Variants in YPEL2 observed in about 807,000 individuals in gnomAD.
YPEL2 encodes protein yippee-like 2.
In YPEL2, 2 loss-of-function variants were observed where a neutral mutation model predicts 19.1. The observed-to-expected ratio is 0.10, with a 90% CI of 0.04 to 0.33. The LOEUF (loss-of-function observed/expected upper bound fraction) is 0.33, where lower values mean the gene tolerates loss of function less well. Ranked by LOEUF, YPEL2 falls within the 10% of genes least tolerant of loss-of-function variation. The pLI, the probability that YPEL2 is intolerant of heterozygous loss-of-function variation, is 1.00. For synonymous variants in YPEL2, 52 were observed against 50.0 expected (o/e 1.04, Z -0.17); for missense variants, 66 against 140.7 (o/e 0.47, Z 2.68).
chr17:59,361,083 C>T (rs1457299839), intron 2 of YPEL2, among the ~76,000 whole-genome samples: 1 of 152,192 alleles, frequency 6.6e-6, no homozygotes, highest in East Asian at 1.9e-4. Flanking sequence ...CCACCTGCCT[C>T]TGCCTGCCAA....
At chr17:59,352,486 T>C (rs2047792431) in intron 1 of YPEL2, among the ~76,000 whole-genome samples, 1 of 152,238 alleles carries the variant, frequency 6.6e-6, no homozygotes, top group Admixed American at 6.5e-5. Flanking sequence ...GGAGAAATTC[T>C]GGTAAAATTC....
At chr17:59,395,795 G>A (rs12952070) in intron 4 of YPEL2, among the ~76,000 whole-genome samples, 11,899 of 152,166 alleles carry the variant, frequency 0.078, 579 homozygotes, top group South Asian at 0.14. Context: ...TTAGAACCAG[G>A]CGTCCGGGCG....
In YPEL2 at chr17:59,401,427, C is replaced by T. The variant is rs1444483732; in HGVS notation, c.*4237C>T. ...GCGCATATGTTTTTGTATAACATTT[C>T]GGTGACAGTGGGAGTCGGTTCCCTT... On this transcript the variant is annotated 3_prime_UTR_variant, in exon 5 of 5. Coordinates refer to ENST00000312655, the MANE Select transcript of YPEL2 (RefSeq NM_001005404.4). 2.0e-5 allele frequency: 3 copies of T among 152,636 alleles called. No homozygotes were observed. The highest frequency in any genetic ancestry group is 2.9e-5 in the Non-Finnish European group (2 of 68,030). 9.5% of individuals were successfully genotyped at this position (152,636 alleles called of 1,614,324 possible).
At chr17:59,384,588 C>T (rs1250580741) in intron 2 of YPEL2, among the ~76,000 whole-genome samples, 2 of 152,368 alleles carry the variant, frequency 1.3e-5, no homozygotes, top group East Asian at 3.9e-4. Context: ...ATACAGGACA[C>T]ATACCAGTCC....
In YPEL2 at chr17:59,399,415, A is replaced by T. The variant is rs901076592; in HGVS notation, c.*2225A>T. On this transcript the variant is annotated 3_prime_UTR_variant, in exon 5 of 5. Coordinates refer to ENST00000312655, the MANE Select transcript of YPEL2 (RefSeq NM_001005404.4). ...TGGAATGTGGTGACATAAACTAGAC[A>T]TGGGGTGCCCTCAAGTTTCCAAGGG... 2.0e-5 allele frequency: 3 copies of T among 152,226 alleles called. No individual in the cohort carries two copies. Among genetic ancestry groups the T allele is most frequent in the African/African-American group, 7.2e-5 (3 of 41,460 alleles). 9.4% of individuals were successfully genotyped at this position (152,226 alleles called of 1,614,324 possible).
intron 4 of YPEL2, among the ~76,000 whole-genome samples, chr17:59,396,170 G>A (rs1194398095): frequency 1.3e-5 from 2 of 152,116 alleles, no homozygotes; most frequent in East Asian, 3.8e-4. Flanking sequence ...ATCTAACCCA[G>A]GGCAAACTTC....
rs189556523 is a variant in YPEL2, at chr17:59,393,929, A to G, written c.271-3172A>G. Among the ~76,000 whole-genome samples, 701 of 152,302 alleles carry G rather than the reference A, an allele frequency of 4.6e-3. 8 individuals carry two copies. Among genetic ancestry groups the G allele is most frequent in the African/African-American group, 0.016 (670 of 41,536 alleles). ...TGTCTACTTCTTTCTACACAGACACAGCAGTCATCCGATTTCGCAATCTTT... is the reference window on the plus strand; with the variant it reads ...TGTCTACTTCTTTCTACACAGACACGGCAGTCATCCGATTTCGCAATCTTT... On this transcript the variant is annotated intron_variant, in intron 4 of 4. Transcript: ENST00000312655.
At chr17:59,394,849 G>T (rs1357850387) in intron 4 of YPEL2, among the ~76,000 whole-genome samples, 1 of 152,262 alleles carries the variant, frequency 6.6e-6, no homozygotes, top group Admixed American at 6.5e-5. Flanking sequence ...CACCTCGGGA[G>T]GCTGAGGCTG....
chr17:59,363,343 C>G (rs140344842), intron 2 of YPEL2: 1 of 154,008 alleles, frequency 6.5e-6, no homozygotes, highest in Non-Finnish European at 1.4e-5. Context: ...AGTCCCACTC[C>G]GTTGCCCAAG....
chr17:59,400,296 A>G lies in YPEL2; in HGVS notation c.*3106A>G, dbSNP rs1364429366. On this transcript the variant is annotated 3_prime_UTR_variant, in exon 5 of 5. Transcript: ENST00000312655. Reference sequence around the variant, plus strand: ...TATAAAGAGATTTTCAAGTGGATATATATAAAAGAAACAGTTGCTTGTAAA... The same window carrying G: ...TATAAAGAGATTTTCAAGTGGATATGTATAAAAGAAACAGTTGCTTGTAAA... 1.3e-5 allele frequency: 2 copies of G among 152,628 alleles called. No individual in the cohort carries two copies. The highest frequency in any genetic ancestry group is 2.4e-5 in the African/African-American group (1 of 41,456). The allele number at this position is 152,628 out of a possible 1,614,324, so 9.5% of individuals were successfully genotyped here. A position where few individuals can be genotyped will look rare whatever the true frequency, so the allele number is the denominator to read the frequency against.
At position 59,400,420 on chromosome 17, in the gene YPEL2, A is replaced by G. The variant is rs770368293; in HGVS notation, c.*3230A>G. ...ACTTTTTATTTTCCTTTTAAATTCT[A>G]TGGTTTCCTTTGCATTTCTTGAAGT... On this transcript the variant is annotated 3_prime_UTR_variant, in exon 5 of 5. Transcript: ENST00000312655. 4 of 151,550 alleles carry G rather than the reference A, an allele frequency of 2.6e-5. No individual in the cohort carries two copies. The highest frequency in any genetic ancestry group is 2.0e-4 in the Admixed American group (3 of 15,180). The allele number at this position is 151,550 out of a possible 1,614,324, so 9.4% of individuals were successfully genotyped here. A position where few individuals can be genotyped will look rare whatever the true frequency, so the allele number is the denominator to read the frequency against.
intron 1 of YPEL2, among the ~76,000 whole-genome samples, chr17:59,333,084 C>A (rs939331842): frequency 2.6e-5 from 4 of 152,256 alleles, no homozygotes; most frequent in Admixed American, 1.3e-4. Flanking sequence ...CTTGATTTCA[C>A]ATGGTTATTG....
intron 2 of YPEL2, among the ~76,000 whole-genome samples, chr17:59,358,926 CTTT>C (rs35109375): frequency 4.3e-5 from 5 of 115,262 alleles, no homozygotes; most frequent in Admixed American, 9.4e-5. Context: ...TTTCCTTTTT[CTTT>C]TTTTTTTTTT....
chr17:59,384,006 T>C (rs545893179), intron 2 of YPEL2, among the ~76,000 whole-genome samples: 1 of 152,182 alleles, frequency 6.6e-6, no homozygotes, highest in African/African-American at 2.4e-5. Flanking sequence ...AAACATAGGC[T>C]TTCGTTTCAC....
At chr17:59,372,071 T>C (rs903700481) in intron 2 of YPEL2, among the ~76,000 whole-genome samples, 2 of 152,218 alleles carry the variant, frequency 1.3e-5, no homozygotes, top group Admixed American at 6.5e-5. Context: ...TCCCCCATCA[T>C]GGCTTCCAAA....
chr17:59,351,624 C>T (rs1314938119), intron 1 of YPEL2, among the ~76,000 whole-genome samples: 1 of 152,142 alleles, frequency 6.6e-6, no homozygotes, highest in Non-Finnish European at 1.5e-5. Context: ...GAGGCAAAGC[C>T]GAGAGAATTA....
chr17:59,376,146 C>A (rs2047919805), intron 2 of YPEL2, among the ~76,000 whole-genome samples: 1 of 152,178 alleles, frequency 6.6e-6, no homozygotes, highest in Non-Finnish European at 1.5e-5. Context: ...ACCTTCATGA[C>A]CCCATCTTCA....
chr17:59,343,456 C>A, intron 1 of YPEL2, among the ~76,000 whole-genome samples: 1 of 152,064 alleles, frequency 6.6e-6, no homozygotes, highest in Non-Finnish European at 1.5e-5. Flanking sequence ...TGATAAAATG[C>A]CATTCCAGAG....
chr17:59,355,621 TTC>T (rs2047809040), intron 2 of YPEL2: 1 of 152,220 alleles, frequency 6.6e-6, no homozygotes, highest in African/African-American at 2.4e-5. Context: ...CCTGAGCTCT[TTC>T]TTATACATCC....
Sources: gnomAD v4.1 joint callset for allele counts (sites outside exome capture counted in the v4.1 genomes callset) on GRCh38, gnomAD v4.1.1 for gene constraint, MANE v1.5 for transcripts, NCBI Gene and HGNC (gene_info 2026-07-23, HGNC 2026-07-21) for gene names.